Variants in RASAL2 observed in about 807,000 individuals in gnomAD.
The protein encoded by RASAL2 is ras GTPase-activating protein nGAP.
Under a neutral mutation model 128.9 loss-of-function variants are expected in RASAL2, and 58 were observed. That is an observed-to-expected ratio of 0.45 (90% confidence interval 0.36 to 0.56). RASAL2 has a LOEUF of 0.56. RASAL2 is among the 20% of genes least tolerant of loss of function. The pLI, the probability that RASAL2 is intolerant of heterozygous loss-of-function variation, is 0.00. For synonymous variants in RASAL2, 561 were observed against 580.8 expected (o/e 0.97, Z 0.49); for missense variants, 1,360 against 1,601.6 (o/e 0.85, Z 2.57).
At chr1:178,101,439 C>G (rs545504175) in intron 1 of RASAL2, among the ~76,000 whole-genome samples, 1 of 152,210 alleles carries the variant, frequency 6.6e-6, no homozygotes, top group Non-Finnish European at 1.5e-5. Context: ...CAACATTGCT[C>G]GAGTTCCATT....
intron 17 of RASAL2, among the ~76,000 whole-genome samples, chr1:178,472,326 A>T (rs559409101): frequency 1.0e-3 from 152 of 151,856 alleles, no homozygotes; most frequent in African/African-American, 3.5e-3. Flanking sequence ...TTTTTCAGAG[A>T]CTCAAAAGTA....
At chr1:178,186,587 G>T (rs1053956742) in intron 1 of RASAL2, among the ~76,000 whole-genome samples, 1 of 152,058 alleles carries the variant, frequency 6.6e-6, no homozygotes, top group Non-Finnish European at 1.5e-5. Context: ...TCTTTCCGAT[G>T]AGTAGTAGTC....
intron 1 of RASAL2, among the ~76,000 whole-genome samples, chr1:178,250,032 G>GTCTCTCCCA (rs1182614506): frequency 6.6e-6 from 1 of 152,180 alleles, no homozygotes; most frequent in Non-Finnish European, 1.5e-5. Flanking sequence ...AGGAGGCTTG[G>GTCTCTCCCA]CGGTCAGGGA....
chr1:178,138,959 T>C (rs1357624246), intron 1 of RASAL2, among the ~76,000 whole-genome samples: 2 of 152,064 alleles, frequency 1.3e-5, no homozygotes. Context: ...ATACCCTTTG[T>C]CTGTGGACCA....
chr1:178,362,436 C>T (rs1671171112), intron 3 of RASAL2, among the ~76,000 whole-genome samples: 1 of 151,682 alleles, frequency 6.6e-6, no homozygotes, highest in Admixed American at 6.6e-5. Context: ...TCATATACTT[C>T]TCTCCCTCCC....
intron 5 of RASAL2, among the ~76,000 whole-genome samples, chr1:178,434,969 G>A (rs1676160101): frequency 6.6e-6 from 1 of 151,952 alleles, no homozygotes; most frequent in South Asian, 2.1e-4. Context: ...TGCTGGTAGA[G>A]TATTAGGGTA....
At chr1:178,454,748 A>G (rs1426453631) in intron 12 of RASAL2, 100 bp downstream of exon 12, 30 of 1,003,890 alleles carry the variant, frequency 3.0e-5, no homozygotes, top group Non-Finnish European at 3.3e-5. Flanking sequence ...ATTGAAAGCA[A>G]CTGTTTACCC....
intron 3 of RASAL2, among the ~76,000 whole-genome samples, chr1:178,388,436 A>C (rs1329014539): frequency 6.6e-6 from 1 of 152,236 alleles, no homozygotes; most frequent in Non-Finnish European, 1.5e-5. Context: ...TTTGCACATT[A>C]AGGCTCATTT....
At chr1:178,229,562 C>A (rs1028524286) in intron 1 of RASAL2, among the ~76,000 whole-genome samples, 2 of 151,844 alleles carry the variant, frequency 1.3e-5, no homozygotes, top group Admixed American at 1.3e-4. Flanking sequence ...GCAGGAATGA[C>A]ACACAAATGA....
At chr1:178,303,105 A>G (rs1325647539) in intron 3 of RASAL2, among the ~76,000 whole-genome samples, 1 of 152,186 alleles carries the variant, frequency 6.6e-6, no homozygotes, top group East Asian at 1.9e-4. Flanking sequence ...GTTATCCCAT[A>G]TATAAGGACA....
chr1:178,403,095 A>G (rs888673108), intron 4 of RASAL2, among the ~76,000 whole-genome samples: 1 of 152,218 alleles, frequency 6.6e-6, no homozygotes, highest in Non-Finnish European at 1.5e-5. Context: ...TCAACATACT[A>G]TATAGAGTAT....
intron 3 of RASAL2, chr1:178,372,424 A>C: frequency 1.1e-6 from 1 of 883,806 alleles, no homozygotes; most frequent in Non-Finnish European, 1.4e-6. Context: ...TTGTATTTTT[A>C]AAAGGAGAAG....
At chr1:178,160,353 C>T (rs34593395) in intron 1 of RASAL2, among the ~76,000 whole-genome samples, 12,113 of 152,040 alleles carry the variant, frequency 0.08, 553 homozygotes, top group Middle Eastern at 0.13. Context: ...CCTATTGTGT[C>T]GCTGGGCGCG....
intron 1 of RASAL2, among the ~76,000 whole-genome samples, chr1:178,143,481 G>T (rs1660606564): frequency 6.6e-6 from 1 of 151,952 alleles, no homozygotes; most frequent in Non-Finnish European, 1.5e-5. Context: ...AAATTAACTT[G>T]CCATTGTAGA....
intron 1 of RASAL2, among the ~76,000 whole-genome samples, chr1:178,126,738 T>C (rs1026133461): frequency 2.6e-5 from 4 of 152,168 alleles, no homozygotes; most frequent in Admixed American, 2.6e-4. Flanking sequence ...TGGGAGATGA[T>C]GGGGAGTGGA....
intron 1 of RASAL2, among the ~76,000 whole-genome samples, chr1:178,201,013 A>G (rs1662847767): frequency 6.6e-6 from 1 of 152,186 alleles, no homozygotes; most frequent in Non-Finnish European, 1.5e-5. Flanking sequence ...TAATTAGACT[A>G]AAGTCCCAGC....
chr1:178,369,827 A>G (rs1671604702), intron 3 of RASAL2, among the ~76,000 whole-genome samples: 1 of 152,236 alleles, frequency 6.6e-6, no homozygotes, highest in Non-Finnish European at 1.5e-5. Context: ...AAAACTTAGT[A>G]GAACAGAAAT....
intron 1 of RASAL2, among the ~76,000 whole-genome samples, chr1:178,198,600 G>A (rs536375870): frequency 5.9e-5 from 9 of 152,228 alleles, no homozygotes; most frequent in South Asian, 2.1e-4. Context: ...ACTCCAGACC[G>A]TGTTTGCCTG....
chr1:178,179,604 A>G (rs1662017227), intron 1 of RASAL2, among the ~76,000 whole-genome samples: 2 of 152,178 alleles, frequency 1.3e-5, no homozygotes, highest in South Asian at 4.1e-4. Context: ...TTGGAGGTGG[A>G]AGAAGAAAAA....
Sources: allele counts gnomAD v4.1 joint callset (sites outside exome capture counted in the v4.1 genomes callset), GRCh38; gene constraint gnomAD v4.1.1; transcripts MANE v1.5; gene names NCBI Gene and HGNC (gene_info 2026-07-23, HGNC 2026-07-21).